CFAP144: variants seen among roughly 807,000 people sequenced by gnomAD.
The protein encoded by CFAP144 is cilia and flagella associated protein 144.
chr1:43,144,076 C>T, the CFAP144 span, among the ~76,000 whole-genome samples: 1 of 152,242 alleles, frequency 6.6e-6, no homozygotes, highest in Non-Finnish European at 1.5e-5. Flanking sequence ...GCACTAATTT[C>T]TTCCCATTTT....
chr1:43,152,891 A>C, the CFAP144 span: 1 of 1,613,584 alleles, frequency 6.2e-7, no homozygotes, highest in Non-Finnish European at 8.5e-7. Context: ...CCAGAGACAC[A>C]GACTGAAAAC....
the CFAP144 span, among the ~76,000 whole-genome samples, chr1:43,143,693 C>T: frequency 5.0e-4 from 76 of 152,288 alleles, no homozygotes; most frequent in Non-Finnish European, 4.3e-4. Context: ...CCAGTCTCAG[C>T]CCTACGTTTA....
the CFAP144 span, chr1:43,150,967 A>T: frequency 1.6e-6 from 1 of 635,644 alleles, no homozygotes; most frequent in Non-Finnish European, 2.8e-6. Flanking sequence ...AACCAAGCTC[A>T]AAAAAGACGG....
the CFAP144 span, among the ~76,000 whole-genome samples, chr1:43,146,161 G>A: frequency 5.3e-5 from 8 of 152,290 alleles, no homozygotes; most frequent in Non-Finnish European, 1.0e-4. Context: ...CCCACAGATG[G>A]CCATGGAGCT....
At chr1:43,156,267 T>A in the CFAP144 span, 16 of 1,613,910 alleles carry the variant, frequency 9.9e-6, no homozygotes, top group Non-Finnish European at 1.4e-5. Flanking sequence ...GACATCACTC[T>A]GTACAAGGCT....
chr1:43,145,502 G>C, the CFAP144 span, among the ~76,000 whole-genome samples: 2 of 152,144 alleles, frequency 1.3e-5, no homozygotes, highest in Non-Finnish European at 2.9e-5. Context: ...CTGCAAAAAG[G>C]GGAGGGTCCC....
At chr1:43,152,964 G>C in the CFAP144 span, 14 of 1,590,342 alleles carry the variant, frequency 8.8e-6, no homozygotes, top group Admixed American at 5.4e-5. Flanking sequence ...GAAATACGAG[G>C]AAACACAGCA....
the CFAP144 span, chr1:43,150,901 A>G: frequency 1.7e-6 from 2 of 1,160,614 alleles, no homozygotes; most frequent in South Asian, 1.3e-5. Context: ...GGGTCGTGAT[A>G]TCTTGGAGCA....
the CFAP144 span, among the ~76,000 whole-genome samples, chr1:43,144,541 C>T: frequency 6.6e-6 from 1 of 152,194 alleles, no homozygotes; most frequent in East Asian, 1.9e-4. Context: ...CATCATCCAG[C>T]CCTCCTTTCT....
chr1:43,152,892 G>GA, the CFAP144 span: 1 of 1,613,574 alleles, frequency 6.2e-7, no homozygotes, highest in South Asian at 1.1e-5. Context: ...CAGAGACACA[G>GA]ACTGAAAACC....
chr1:43,144,776 C>T, the CFAP144 span, among the ~76,000 whole-genome samples: 19 of 152,268 alleles, frequency 1.2e-4, no homozygotes, highest in Admixed American at 9.2e-4. Flanking sequence ...CTTTCCCCCG[C>T]TCCTCCTCCT....
chr1:43,144,774 C>G, the CFAP144 span, among the ~76,000 whole-genome samples: 1 of 152,128 alleles, frequency 6.6e-6, no homozygotes, highest in African/African-American at 2.4e-5. Context: ...GCCTTTCCCC[C>G]GCTCCTCCTC....
At chr1:43,144,964 A>G in the CFAP144 span, among the ~76,000 whole-genome samples, 1 of 152,230 alleles carries the variant, frequency 6.6e-6, no homozygotes, top group Non-Finnish European at 1.5e-5. Flanking sequence ...CCTGGTGGAC[A>G]CACGGAATGC....
At chr1:43,151,015 T>A in the CFAP144 span, among the ~76,000 whole-genome samples, 1 of 152,068 alleles carries the variant, frequency 6.6e-6, no homozygotes, top group South Asian at 2.1e-4. Context: ...ATAAAAAAAA[T>A]AAAAATTTTT....
the CFAP144 span, chr1:43,156,326 T>C: frequency 1.3e-6 from 2 of 1,594,674 alleles, no homozygotes; most frequent in Non-Finnish European, 1.7e-6. Flanking sequence ...TCCCAGCGGA[T>C]GAGCCCATCT....
chr1:43,143,651 C>CT, the CFAP144 span, among the ~76,000 whole-genome samples: 6 of 152,130 alleles, frequency 3.9e-5, no homozygotes, highest in Non-Finnish European at 8.8e-5. Flanking sequence ...CAAATCTAGT[C>CT]GTTAGGCACC....
chr1:43,143,508 T>C, the CFAP144 span, among the ~76,000 whole-genome samples: 328 of 151,696 alleles, frequency 2.2e-3, 5 homozygotes, highest in Admixed American at 0.018. Flanking sequence ...ACTTATGATT[T>C]GGATGGTGAT....
chr1:43,152,616 G>A, the CFAP144 span: 2,702 of 482,126 alleles, frequency 5.6e-3, 61 homozygotes, highest in African/African-American at 0.047. Context: ...TATGCCCAGC[G>A]CCCGGAAGCA....
At chr1:43,154,188 A>G in the CFAP144 span, among the ~76,000 whole-genome samples, 2 of 140,734 alleles carry the variant, frequency 1.4e-5, no homozygotes, top group Non-Finnish European at 3.1e-5. Context: ...ATATGTAAAT[A>G]TATATAAATA....
Sources: allele counts gnomAD v4.1 joint callset (sites outside exome capture counted in the v4.1 genomes callset), GRCh38; gene constraint gnomAD v4.1.1; transcripts MANE v1.5; gene names NCBI Gene and HGNC (gene_info 2026-07-23, HGNC 2026-07-21).